Variants in KIF27 observed in about 807,000 individuals in gnomAD.
KIF27 encodes kinesin-like protein KIF27.
Under a neutral mutation model 141.8 loss-of-function variants are expected in KIF27, and 84 were observed. The ratio of observed to expected loss-of-function variants is 0.59; its 90% confidence interval spans 0.50 to 0.71. The LOEUF is 0.71. KIF27 is among the 30% of genes least tolerant of loss of function. The pLI, the probability that KIF27 is intolerant of heterozygous loss-of-function variation, is 0.00. For synonymous variants in KIF27, 471 were observed against 569.5 expected, an observed-to-expected ratio of 0.83 and a Z score of 2.46; for missense variants, 1,306 against 1,628.4, an observed-to-expected ratio of 0.80 and a Z score of 3.41.
intron 4 of KIF27, among the ~76,000 whole-genome samples, chr9:83,902,647 A>G (rs896448859): frequency 1.3e-5 from 2 of 152,176 alleles, no homozygotes; most frequent in African/African-American, 4.8e-5. Context: ...AAAACTCAGT[A>G]AAAGATAACT....
intron 1 of KIF27, among the ~76,000 whole-genome samples, chr9:83,917,626 A>T (rs554630930): frequency 6.6e-6 from 1 of 152,332 alleles, no homozygotes; most frequent in Non-Finnish European, 1.5e-5. Flanking sequence ...AACAGAATAG[A>T]ATTGAGAATC....
chr9:83,873,867 G>A (rs186680275), intron 11 of KIF27, among the ~76,000 whole-genome samples: 178 of 152,188 alleles, frequency 1.2e-3, no homozygotes, highest in African/African-American at 3.9e-3. Context: ...AGCTAACACC[G>A]TGAAACCCTG....
rs937311433 is a variant in KIF27, at chr9:83,880,307, T to C, written c.2633A>G (p.Gln878Arg). Residue 878 changes from glutamine to arginine, a missense_variant, in exon 11 of 18, where the codon CAA (glutamine) becomes CGA (arginine). By Grantham distance (43) the Gln-to-Arg change is conservative. Around this residue, in one of 4 missense-constraint regions of KIF27, gnomAD observed 596 missense variants for 751.6 expected, o/e 0.79. Transcript: ENST00000297814. ...QLDAVIKRDQ[Q>R]KIKEIQLKTG... ...GTATGACAATATTACTTTGATTTTTTGCTGGTCCCGCTTAATTACTGCATC... is the reference window on the plus strand; with the variant it reads ...GTATGACAATATTACTTTGATTTTTCGCTGGTCCCGCTTAATTACTGCATC... The C allele has an allele frequency of 1.2e-6, 2 of 1,613,876 alleles. No individual in the cohort carries two copies. Among genetic ancestry groups the C allele is most frequent in the African/African-American group, 2.7e-5 (2 of 75,056 alleles).
chr9:83,844,088 A>C (rs1214604206), intron 16 of KIF27, among the ~76,000 whole-genome samples: 1 of 152,120 alleles, frequency 6.6e-6, no homozygotes, highest in Non-Finnish European at 1.5e-5. Flanking sequence ...ATCAGCTGCC[A>C]GCGAATATGA....
intron 12 of KIF27, among the ~76,000 whole-genome samples, chr9:83,869,523 C>T (rs538388028): frequency 6.6e-4 from 100 of 152,190 alleles, no homozygotes; most frequent in African/African-American, 2.3e-3. Context: ...ATCATGAAAT[C>T]GAAACCATCC....
intron 16 of KIF27, among the ~76,000 whole-genome samples, chr9:83,848,404 CAT>C (rs1352250683): frequency 5.4e-5 from 7 of 128,984 alleles, no homozygotes; most frequent in Admixed American, 1.6e-4. Context: ...GCTATATATG[CAT>C]ATATGATATA....
chr9:83,887,152 G>C lies in KIF27; in HGVS notation c.2128C>G (p.Gln710Glu), dbSNP rs756317975. ...ATGCGTTCTGAATTCTTTAATTTTT[G>C]CAAATTCAATTCTTGACTCTCCTGG... ...CLQESQELNL[Q>E]KLKNSERILT... Residue 710 changes from glutamine (Q) to glutamate (E), a missense_variant, in exon 9 of 18, where the codon CAA becomes GAA. Physicochemically the swap from Gln to Glu is conservative, Grantham distance 29. Coordinates refer to ENST00000297814, the MANE Select transcript of KIF27 (RefSeq NM_017576.4). The C allele has an allele frequency of 3.2e-6, 5 of 1,586,302 alleles. No individual in the cohort carries two copies. The Admixed American group carries it at 9.2e-5, about 29-fold the overall frequency.
At chr9:83,877,851 T>G (rs1327084276) in intron 11 of KIF27, among the ~76,000 whole-genome samples, 1 of 152,078 alleles carries the variant, frequency 6.6e-6, no homozygotes, top group Non-Finnish European at 1.5e-5. Flanking sequence ...AGAACTTGAA[T>G]AGACATTTCT....
chr9:83,902,774 G>T (rs60053067), intron 4 of KIF27, among the ~76,000 whole-genome samples: 1 of 148,430 alleles, frequency 6.7e-6, no homozygotes, highest in Non-Finnish European at 1.5e-5. Context: ...GGAGAAAGGA[G>T]GAGGAGCCAA....
chr9:83,863,233 A>G (rs1322890042), intron 13 of KIF27, among the ~76,000 whole-genome samples: 1 of 152,118 alleles, frequency 6.6e-6, no homozygotes, highest in East Asian at 1.9e-4. Context: ...GTGGTGAGAG[A>G]GGGCATCCCT....
In KIF27 at chr9:83,904,035, C is replaced by T; in HGVS notation, c.500-17G>A. 6.4e-7 allele frequency: 1 copy of T among 1,557,500 alleles called. No individual in the cohort carries two copies. The highest frequency in any genetic ancestry group is 1.2e-5 in the South Asian group (1 of 83,492). ...CAACAATCACTTAAAATAGTAATAA[C>T]ATGTTTTTAAGCCAAGTTTTCATCA... is the stretch of plus-strand genomic sequence containing the variant. On this transcript the variant is annotated splice_polypyrimidine_tract_variant and intron_variant, in intron 3 of 17. Transcript: ENST00000297814.
At chr9:83,879,034 C>T (rs1304972873) in intron 11 of KIF27, among the ~76,000 whole-genome samples, 4 of 150,060 alleles carry the variant, frequency 2.7e-5, no homozygotes, top group South Asian at 2.1e-4. Flanking sequence ...CAAAATTAGC[C>T]GGGCGTGGTG....
At chr9:83,909,957 A>G (rs2780091) in intron 2 of KIF27, among the ~76,000 whole-genome samples, 2 of 152,104 alleles carry the variant, frequency 1.3e-5, no homozygotes, top group African/African-American at 2.4e-5. Flanking sequence ...TCAGCTGCTT[A>G]GGAGGCTGAG....
chr9:83,848,285 T>TA (rs1415126692), intron 16 of KIF27, among the ~76,000 whole-genome samples: 1 of 107,380 alleles, frequency 9.3e-6, no homozygotes, highest in Non-Finnish European at 1.8e-5. Flanking sequence ...ATGATATATA[T>TA]GATATATCAG....
intron 13 of KIF27, among the ~76,000 whole-genome samples, chr9:83,861,328 C>A (rs933510191): frequency 1.2e-4 from 18 of 152,126 alleles, no homozygotes; most frequent in East Asian, 1.2e-3. Flanking sequence ...ATCCCTCCCC[C>A]CTTCCCCCAC....
chr9:83,867,744 C>T lies in KIF27; in HGVS notation c.2874G>A (p.Lys958=). 1 of 1,613,106 alleles carries T rather than the reference C, an allele frequency of 6.2e-7. No homozygotes were observed. Among genetic ancestry groups the T allele is most frequent in the African/African-American group, 1.3e-5 (1 of 74,954 alleles). Residue 958 remains lysine, a synonymous_variant, in exon 13 of 18, where the codon AAG becomes AAA. Coordinates refer to ENST00000297814, the MANE Select transcript of KIF27 (RefSeq NM_017576.4). ...TCTTCTCCTGTAACAGAGCCTCCTT[C>T]TTAGAAACTATGGCCTCCCGTTTCT... ...DLKKREAIVS[K]KEALLQEKSH...
At chr9:83,843,135 A>G (rs1372582329) in intron 16 of KIF27, among the ~76,000 whole-genome samples, 3 of 148,242 alleles carry the variant, frequency 2.0e-5, no homozygotes, top group African/African-American at 7.5e-5. Context: ...TTATAGGCCC[A>G]AGAAATATAC....
intron 16 of KIF27, among the ~76,000 whole-genome samples, chr9:83,844,351 T>C (rs1484559162): frequency 9.1e-6 from 1 of 109,692 alleles, no homozygotes; most frequent in South Asian, 2.5e-4. Context: ...TATATAGATA[T>C]CTATATCTAT....
intron 11 of KIF27, among the ~76,000 whole-genome samples, chr9:83,876,451 G>A (rs773802615): frequency 3.5e-4 from 54 of 152,220 alleles, no homozygotes; most frequent in Non-Finnish European, 5.1e-4. Flanking sequence ...CCATGCTCGT[G>A]GATAAGAAAA....
Sources: gnomAD v4.1 joint callset for allele counts (sites outside exome capture counted in the v4.1 genomes callset) on GRCh38, gnomAD v4.1.1 for gene constraint, gnomAD v4.1.1 regional missense constraint, MANE v1.5 for transcripts, NCBI Gene and HGNC (gene_info 2026-07-23, HGNC 2026-07-21) for gene names.